Variants in SPARCL1 observed in about 807,000 individuals in gnomAD.
SPARCL1 encodes the protein SPARC like 1, also known as SPARC-like protein 1.
SPARCL1 carries 52 observed loss-of-function variants against 67.1 expected under a neutral mutation model. That is an observed-to-expected ratio of 0.78 (90% CI 0.62 to 0.98). The LOEUF (loss-of-function observed/expected upper bound fraction) is 0.98. SPARCL1 is among the 50% of genes least tolerant of loss of function. The pLI is 0.00. For missense variants in SPARCL1, 717 were observed against 782.4 expected (o/e 0.92, Z 1.00); for synonymous variants, 226 against 267.8 (o/e 0.84, Z 1.52).
chr4:87,506,500 A>C (rs1350265994), intron 1 of SPARCL1, among the ~76,000 whole-genome samples: 1 of 152,196 alleles, frequency 6.6e-6, no homozygotes. Flanking sequence ...AATAGAACAA[A>C]AAGGCAGGGG....
At chr4:87,486,313 T>G (rs561969027) in intron 7 of SPARCL1, among the ~76,000 whole-genome samples, 38 of 152,290 alleles carry the variant, frequency 2.5e-4, no homozygotes, top group Admixed American at 2.1e-3. Context: ...CTGCCTTAAT[T>G]TCGTTATTTA....
Position 87,473,798 on chromosome 4 carries a change from T to C in SPARCL1, c.1972A>G (p.Ile658Val). The change falls in exon 11 of 11, where the codon ATA (isoleucine) becomes GTA (valine). Residue 658 changes from isoleucine (I) to valine (V), a missense_variant. Ile to Val is a conservative substitution (Grantham distance 29). Transcript: ENST00000282470. Reference sequence around the variant, plus strand: ...GTTCAAAACAAGAGATTTTCATCTATGTCCTCTATAAAAAAACAAGAAGCA... The same window carrying C: ...GTTCAAAACAAGAGATTTTCATCTACGTCCTCTATAAAAAAACAAGAAGCA... ...GHCFGIKEED[I>V]DENLLF 6.2e-7 allele frequency: 1 copy of C among 1,607,030 alleles called. No individual in the cohort carries two copies. The highest frequency in any genetic ancestry group is 8.5e-7 in the Non-Finnish European group (1 of 1,175,262).
chr4:87,484,877 G>T (rs1180484457), intron 7 of SPARCL1, among the ~76,000 whole-genome samples: 2 of 151,986 alleles, frequency 1.3e-5, no homozygotes, highest in African/African-American at 4.8e-5. Flanking sequence ...GTCTGTTATT[G>T]GTATATAGGA....
chr4:87,528,576 C>A (rs1181940139), intron 1 of SPARCL1: 1 of 152,076 alleles, frequency 6.6e-6, no homozygotes, highest in Non-Finnish European at 1.5e-5. Flanking sequence ...GCAAAAAGTT[C>A]CGTTTCTACA....
chr4:87,482,354 C>T, intron 8 of SPARCL1, 70 bp downstream of exon 8: 2 of 1,537,874 alleles, frequency 1.3e-6, no homozygotes, highest in Non-Finnish European at 1.8e-6. Context: ...GTAGGTAGCC[C>T]CCCCACCACG....
At chr4:87,524,008 C>A (rs1433291338) in intron 1 of SPARCL1, among the ~76,000 whole-genome samples, 1 of 152,154 alleles carries the variant, frequency 6.6e-6, no homozygotes, top group Non-Finnish European at 1.5e-5. Flanking sequence ...CTCCTTGCTG[C>A]ATTTCTGGAA....
At chr4:87,511,502 G>A (rs7681702) in intron 1 of SPARCL1, among the ~76,000 whole-genome samples, 8,296 of 152,186 alleles carry the variant, frequency 0.055, 722 homozygotes, top group African/African-American at 0.19. Flanking sequence ...TAGCTTGCAT[G>A]CTGTAGCATG....
intron 1 of SPARCL1, among the ~76,000 whole-genome samples, chr4:87,508,520 A>G (rs1725204136): frequency 6.6e-6 from 1 of 152,022 alleles, no homozygotes; most frequent in Admixed American, 6.6e-5. Flanking sequence ...CTCTCCATGC[A>G]ACATTCCTTC....
chr4:87,512,753 G>T (rs1725421666), intron 1 of SPARCL1, among the ~76,000 whole-genome samples: 1 of 152,210 alleles, frequency 6.6e-6, no homozygotes, highest in African/African-American at 2.4e-5. Flanking sequence ...GCCATTTAAT[G>T]TGAGAGCATA....
At chr4:87,481,886 G>A (rs1190650443) in intron 8 of SPARCL1, among the ~76,000 whole-genome samples, 1 of 152,172 alleles carries the variant, frequency 6.6e-6, no homozygotes, top group Admixed American at 6.5e-5. Flanking sequence ...TGAAGGCAGA[G>A]ATTTTCTTTT....
chr4:87,490,241 G>T (rs376051758), intron 7 of SPARCL1, 32 bp downstream of exon 7: 2 of 1,587,308 alleles, frequency 1.3e-6, no homozygotes, highest in Non-Finnish European at 1.7e-6. Context: ...CCCTCTCAGA[G>T]ATGATGGTTG....
At chr4:87,505,955 G>GA (rs1725055243) in intron 1 of SPARCL1, among the ~76,000 whole-genome samples, 1 of 152,080 alleles carries the variant, frequency 6.6e-6, no homozygotes, top group African/African-American at 2.4e-5. Context: ...CTTTATCTTG[G>GA]CACTGTTAAC....
Position 87,482,472 on chromosome 4 carries a change from T to G in SPARCL1, c.1620A>C (p.Glu540Asp). 1.9e-6 allele frequency: 3 copies of G among 1,614,046 alleles called. No homozygotes were observed. The East Asian group carries it at 6.7e-5, about 36-fold the overall frequency. The change falls in exon 8 of 11, where the codon GAA becomes GAC. Residue 540 changes from glutamate to aspartate, a missense_variant. Physicochemically the swap from Glu to Asp is conservative, Grantham distance 45. Coordinates refer to ENST00000282470, the MANE Select transcript of SPARCL1 (RefSeq NM_004684.6). ...WLKNILMQLY[E>D]ANSEHAGYLN... ...GATAACCAGCGTGTTCAGAGTTGGCTTCATAAAGCTGCATGAGGATATTCT... is the reference window on the plus strand; with the variant it reads ...GATAACCAGCGTGTTCAGAGTTGGCGTCATAAAGCTGCATGAGGATATTCT...
At chr4:87,488,426 T>G (rs28821631) in intron 7 of SPARCL1, among the ~76,000 whole-genome samples, 32,880 of 152,162 alleles carry the variant, frequency 0.22, 5,370 homozygotes, top group African/African-American at 0.46. Context: ...AGCAGAGGCT[T>G]CAGAACAGCA....
At chr4:87,500,123 A>G (rs997825417) in intron 1 of SPARCL1, among the ~76,000 whole-genome samples, 3 of 152,160 alleles carry the variant, frequency 2.0e-5, no homozygotes, top group Admixed American at 6.5e-5. Context: ...TGCATTTTAA[A>G]CTAGTATTTT....
At chr4:87,483,544 C>A (rs1457537733) in intron 7 of SPARCL1, among the ~76,000 whole-genome samples, 2 of 152,156 alleles carry the variant, frequency 1.3e-5, no homozygotes, top group Non-Finnish European at 2.9e-5. Flanking sequence ...CTGTAATAAA[C>A]ATATGTGTGA....
At chr4:87,506,140 G>A (rs762682719) in intron 1 of SPARCL1, among the ~76,000 whole-genome samples, 41 of 152,088 alleles carry the variant, frequency 2.7e-4, no homozygotes, top group Non-Finnish European at 4.7e-4. Flanking sequence ...GGGCAAAATC[G>A]CCCTGATTGA....
rs1277228331 is a variant in SPARCL1 at position 87,493,934 on chromosome 4, T to G, written c.866A>C (p.Gln289Pro). The G allele has an allele frequency of 6.2e-7, 1 of 1,614,188 alleles. No individual in the cohort carries two copies. Among genetic ancestry groups the G allele is most frequent in the Non-Finnish European group, 8.5e-7 (1 of 1,180,012 alleles). The change falls in exon 4 of 11, where the codon CAA becomes CCA. Residue 289 changes from glutamine (Q) to proline (P), a missense_variant. Gln to Pro is a moderately conservative substitution (Grantham distance 76, BLOSUM62 -1). Transcript: ENST00000282470. ...ENASNVNKHI[Q>P]ETEWQSQEGK... The stretch of plus-strand genomic sequence containing the variant: ...CTCTTGACTCTGCCATTCAGTTTCT[T>G]GAATGTGCTTATTGACGTTCGATGC...
At chr4:87,528,193 CT>C in intron 1 of SPARCL1, 1 of 135,970 alleles carries the variant, frequency 7.4e-6, no homozygotes, top group African/African-American at 3.0e-5. Context: ...TTTTCTTTTC[CT>C]TTCTTTTCTT....
Sources: allele counts gnomAD v4.1 joint callset (sites outside exome capture counted in the v4.1 genomes callset), GRCh38; gene constraint gnomAD v4.1.1; transcripts MANE v1.5; gene names NCBI Gene and HGNC (gene_info 2026-07-23, HGNC 2026-07-21).